COL6A6: variants seen among roughly 807,000 people sequenced by gnomAD.
COL6A6 encodes collagen type VI alpha 6 chain, also known as collagen alpha-6(VI) chain.
In COL6A6, 183 loss-of-function variants were observed where a neutral mutation model predicts 208.6. That is an observed-to-expected ratio of 0.88 (90% confidence interval 0.78 to 0.99). The LOEUF (loss-of-function observed/expected upper bound fraction) is 0.99, where lower values mean the gene tolerates loss of function less well. Among genes scored for constraint, COL6A6 ranks in the 50% least tolerant of loss-of-function variants. COL6A6 has a pLI of 0.00. For missense variants in COL6A6, 2,816 were observed against 2,815.2 expected, an observed-to-expected ratio of 1.00 and a Z score of -0.01; for synonymous variants, 973 against 1,011.8, an observed-to-expected ratio of 0.96 and a Z score of 0.73.
intron 34 of COL6A6, among the ~76,000 whole-genome samples, chr3:130,660,996 ATT>A (rs2065917737): frequency 6.6e-6 from 1 of 152,166 alleles, no homozygotes. Context: ...ATTACTATGC[ATT>A]CTTTTATTAA....
chr3:130,674,321 T>G (rs1185765075), intron 36 of COL6A6, among the ~76,000 whole-genome samples: 3 of 152,206 alleles, frequency 2.0e-5, no homozygotes, highest in Non-Finnish European at 4.4e-5. Context: ...GTAGTACAGA[T>G]TCTAGGACAC....
chr3:130,657,032 A>G (rs1316625363), intron 33 of COL6A6, among the ~76,000 whole-genome samples: 2 of 152,220 alleles, frequency 1.3e-5, no homozygotes, highest in Admixed American at 1.3e-4. Flanking sequence ...CCGCAGCCAG[A>G]CGGCTGCAAC....
chr3:130,658,954 C>T (rs2065872902), intron 34 of COL6A6, among the ~76,000 whole-genome samples, 182 bp downstream of exon 34: 2 of 152,208 alleles, frequency 1.3e-5, no homozygotes, highest in South Asian at 4.1e-4. Flanking sequence ...GCTCAGCAAA[C>T]ATGGTCTCTT....
At chr3:130,652,321 G>T (rs568719864) in intron 33 of COL6A6, among the ~76,000 whole-genome samples, 1 of 152,328 alleles carries the variant, frequency 6.6e-6, no homozygotes, top group South Asian at 2.1e-4. Context: ...TGTGTTTCTC[G>T]TGGAGAGGTA....
At chr3:130,519,496 T>C (rs2107656082) in intron 1 of COL6A6, among the ~76,000 whole-genome samples, 1 of 152,322 alleles carries the variant, frequency 6.6e-6, no homozygotes, top group Middle Eastern at 3.4e-3. Flanking sequence ...TCTAAAAGAT[T>C]CATGAACATG....
Position 130,588,917 on chromosome 3 carries a change from C to CAAA in COL6A6, c.4126-153_4126-151dup, listed in dbSNP as rs58377635. Among the ~76,000 whole-genome samples, 120 of 68,156 alleles carry CAAA rather than the reference C, an allele frequency of 1.8e-3. 2 individuals are homozygous for CAAA. Among genetic ancestry groups the CAAA allele is most frequent in the African/African-American group, 4.5e-3 (102 of 22,538 alleles). The allele number at this position is 68,156 out of a possible 152,430, so 44.7% of individuals were successfully genotyped here. A position where few individuals can be genotyped will look rare whatever the true frequency, so the allele number is the denominator to read the frequency against. The stretch of plus-strand genomic sequence containing the variant: ...CAGATGATAGAAGAAAAGATGGAAG[C>CAAA]AAAAAAAAAAAAAAAAAAAAAAGTT... On this transcript the variant is annotated intron_variant, in intron 11 of 36. Coordinates refer to ENST00000358511, the MANE Select transcript of COL6A6 (RefSeq NM_001102608.3).
intron 20 of COL6A6, among the ~76,000 whole-genome samples, chr3:130,603,694 T>C (rs1382453957): frequency 1.3e-5 from 2 of 152,204 alleles, no homozygotes; most frequent in Non-Finnish European, 2.9e-5. Context: ...GCCCTTTTCA[T>C]CCCTCTTGGC....
chr3:130,578,935 C>A (rs545942938), intron 8 of COL6A6, among the ~76,000 whole-genome samples: 1 of 152,282 alleles, frequency 6.6e-6, no homozygotes, highest in Non-Finnish European at 1.5e-5. Context: ...CTTCCGTGGA[C>A]AAATGTCTAC....
intron 5 of COL6A6, 84 bp downstream of exon 5, chr3:130,567,346 A>C: frequency 9.3e-7 from 1 of 1,074,900 alleles, no homozygotes; most frequent in Non-Finnish European, 1.3e-6. Context: ...GTTTAGAAAA[A>C]CAACATAAAT....
Position 130,594,338 on chromosome 3 carries a change from G to T in COL6A6, c.4528G>T (p.Asp1510Tyr). 6.2e-7 allele frequency: 1 copy of T among 1,612,870 alleles called. No homozygotes were observed. The highest frequency in any genetic ancestry group is 8.5e-7 in the Non-Finnish European group (1 of 1,179,364). Reference protein sequence around the residue: ...GDRGAKGLRGDPGAPGVDSSI... With the variant: ...GDRGAKGLRGYPGAPGVDSSI... ...CCGTGGAGCAAAGGGCCTGCGAGGG[G>T]ATCCCGTAAGTGCACGGGCTGCAAA... The change falls in exon 18 of 37, where the codon GAT becomes TAT. Residue 1510 changes from aspartate to tyrosine, a missense_variant. Transcript: ENST00000358511.
chr3:130,592,969 T>A, intron 15 of COL6A6, 92 bp from the exon 16 acceptor site: 2 of 1,183,882 alleles, frequency 1.7e-6, no homozygotes, highest in South Asian at 2.6e-5. Flanking sequence ...GGAGGCTGTA[T>A]GTGAAACACA....
In COL6A6 at chr3:130,570,798, C is replaced by T. The variant is rs140863099; in HGVS notation, c.2402-20C>T. ...TCCAAAGCTAATCTCATATGGTTTA[C>T]CTCTCTCTTCCTCTTTCAGAATGCA... is the stretch of plus-strand genomic sequence containing the variant. On this transcript the variant is annotated intron_variant, in intron 6 of 36. Transcript: ENST00000358511. The T allele has an allele frequency of 3.9e-4, 620 of 1,582,998 alleles. 1 individual carries two copies. In the African/African-American group the frequency reaches 7.0e-3, roughly 18 times the overall value.
At chr3:130,544,820 T>C (rs2062453586) in intron 1 of COL6A6, among the ~76,000 whole-genome samples, 2 of 152,244 alleles carry the variant, frequency 1.3e-5, no homozygotes, top group Non-Finnish European at 2.9e-5. Context: ...GTTGGCCATT[T>C]GTATGTCATC....
intron 33 of COL6A6, among the ~76,000 whole-genome samples, chr3:130,652,363 T>C (rs1196020359): frequency 6.6e-6 from 1 of 152,184 alleles, no homozygotes; most frequent in Non-Finnish European, 1.5e-5. Context: ...GCAAGTCAGA[T>C]TCAGAGATGA....
rs927359924 is a variant in COL6A6, at chr3:130,626,513, G to T, written c.4907G>T (p.Gly1636Val). 3.1e-6 allele frequency: 5 copies of T among 1,613,378 alleles called. No individual in the cohort carries two copies. Among genetic ancestry groups the T allele is most frequent in the African/African-American group, 1.3e-5 (1 of 74,900 alleles). The change falls in exon 25 of 37, where the codon GGA becomes GTA. Residue 1636 changes from glycine (G) to valine (V), a missense_variant. Transcript: ENST00000358511. ...KGEPGDLGEK[G>V]AVGFPGPRGL... The stretch of plus-strand genomic sequence containing the variant: ...GAACCTGGAGATCTGGGAGAAAAAG[G>T]AGCTGTTGGCTTTCCTGGTCCTCGT...
At chr3:130,641,970 A>G (rs942043104) in intron 29 of COL6A6, among the ~76,000 whole-genome samples, 4 of 152,222 alleles carry the variant, frequency 2.6e-5, no homozygotes, top group African/African-American at 7.2e-5. Flanking sequence ...GTATTTCTCA[A>G]TTATCATATT....
upstream of COL6A6, among the ~76,000 whole-genome samples, chr3:130,516,902 C>G (rs1710766161): frequency 6.6e-6 from 1 of 152,236 alleles, no homozygotes; most frequent in African/African-American, 2.4e-5. Flanking sequence ...CCCTGCCTAT[C>G]TTTGGGGTAC....
chr3:130,539,587 C>T (rs886728180), intron 1 of COL6A6, among the ~76,000 whole-genome samples: 6 of 151,044 alleles, frequency 4.0e-5, no homozygotes, highest in African/African-American at 1.5e-4. Context: ...TGAGCCAAGT[C>T]GCGTCACTGC....
At chr3:130,609,840 T>G (rs2064301558) in intron 22 of COL6A6, among the ~76,000 whole-genome samples, 1 of 152,172 alleles carries the variant, frequency 6.6e-6, no homozygotes, top group African/African-American at 2.4e-5. Flanking sequence ...AGGGAAAGTT[T>G]GTCCACATTT....
Sources: gnomAD v4.1 joint callset for allele counts (sites outside exome capture counted in the v4.1 genomes callset) on GRCh38, gnomAD v4.1.1 for gene constraint, MANE v1.5 for transcripts, NCBI Gene and HGNC (gene_info 2026-07-23, HGNC 2026-07-21) for gene names.